Variants in ADCY2 observed in about 807,000 individuals in gnomAD.
The protein encoded by ADCY2 is adenylate cyclase 2, also known as adenylate cyclase type 2.
Under a neutral mutation model 125.2 loss-of-function variants are expected in ADCY2, and 31 were observed. The ratio of observed to expected loss-of-function variants is 0.25; its 90% CI spans 0.19 to 0.33. ADCY2 has a LOEUF of 0.33. ADCY2 is among the 10% of genes least tolerant of loss of function. ADCY2 has a pLI of 1.00. For synonymous variants in ADCY2, 512 were observed against 548.4 expected, an observed-to-expected ratio of 0.93 and a Z score of 0.93; for missense variants, 904 against 1,418.2, an observed-to-expected ratio of 0.64 and a Z score of 5.82.
chr5:7,765,145 C>G (rs372240539), intron 16 of ADCY2, among the ~76,000 whole-genome samples: 4 of 152,262 alleles, frequency 2.6e-5, no homozygotes, highest in East Asian at 3.9e-4. Context: ...TGCAACACTT[C>G]ATTTTACCTA....
intron 6 of ADCY2, among the ~76,000 whole-genome samples, chr5:7,696,916 A>G (rs1189799111): frequency 6.6e-6 from 1 of 152,180 alleles, no homozygotes; most frequent in Non-Finnish European, 1.5e-5. Flanking sequence ...GTGGGTGTTC[A>G]TTTATAAGAA....
At chr5:7,671,881 C>T (rs1315556401) in intron 4 of ADCY2, among the ~76,000 whole-genome samples, 2 of 152,176 alleles carry the variant, frequency 1.3e-5, no homozygotes, top group African/African-American at 2.4e-5. Context: ...AGTCCGGCCC[C>T]TTCATTTTCA....
At chr5:7,507,433 T>C (rs1295281909) in intron 2 of ADCY2, among the ~76,000 whole-genome samples, 1 of 71,340 alleles carries the variant, frequency 1.4e-5, no homozygotes. Flanking sequence ...AGAGCGAGAC[T>C]CCGTCTCAAA....
chr5:7,771,807 A>G (rs1425618007), intron 17 of ADCY2, among the ~76,000 whole-genome samples: 1 of 152,236 alleles, frequency 6.6e-6, no homozygotes, highest in Admixed American at 6.5e-5. Flanking sequence ...TGATGAAATT[A>G]AAATGGAGTA....
At position 7,470,195 on chromosome 5, in the gene ADCY2, C is replaced by T. The variant is rs149084769; in HGVS notation, c.409-50543C>T. 6.5e-3 allele frequency among the ~76,000 whole-genome samples: 984 copies of T among 151,738 alleles called. 13 individuals are homozygous for T. Among genetic ancestry groups the T allele is most frequent in the Non-Finnish European group, 8.0e-3 (539 of 67,674 alleles). Reference sequence around the variant, plus strand: ...CTAGATCTTAGAGAACAATAAATAGCACAACTGCTAGTGGTGTTACTGTGT... The same window carrying T: ...CTAGATCTTAGAGAACAATAAATAGTACAACTGCTAGTGGTGTTACTGTGT... On this transcript the variant is annotated intron_variant, in intron 2 of 24. Coordinates refer to ENST00000338316, the MANE Select transcript of ADCY2 (RefSeq NM_020546.3).
chr5:7,447,598 T>C (rs1022759971), intron 2 of ADCY2, among the ~76,000 whole-genome samples: 1 of 152,204 alleles, frequency 6.6e-6, no homozygotes, highest in African/African-American at 2.4e-5. Context: ...GCAGAAATGT[T>C]CACTCCCACA....
At chr5:7,418,344 C>T (rs1740036970) in intron 2 of ADCY2, among the ~76,000 whole-genome samples, 1 of 152,168 alleles carries the variant, frequency 6.6e-6, no homozygotes. Context: ...GCTCAACCTG[C>T]CGCCTGGGGA....
At chr5:7,671,849 C>T (rs1288109895) in intron 4 of ADCY2, among the ~76,000 whole-genome samples, 1 of 152,038 alleles carries the variant, frequency 6.6e-6, no homozygotes, top group African/African-American at 2.4e-5. Context: ...GCTTCTACAG[C>T]AAGAAAGATA....
chr5:7,544,690 C>T (rs559537056), intron 3 of ADCY2, among the ~76,000 whole-genome samples: 14 of 152,272 alleles, frequency 9.2e-5, no homozygotes, highest in South Asian at 4.1e-4. Flanking sequence ...GGGATTAGAA[C>T]GTGGACATCT....
At chr5:7,801,683 G>A (rs879214693) in intron 20 of ADCY2, 3 of 152,292 alleles carry the variant, frequency 2.0e-5, no homozygotes, top group Admixed American at 2.0e-4. Context: ...AGAATATCAT[G>A]AATAAATATA....
chr5:7,652,118 T>C (rs1450771647), intron 4 of ADCY2, among the ~76,000 whole-genome samples: 2 of 152,134 alleles, frequency 1.3e-5, no homozygotes, highest in Non-Finnish European at 2.9e-5. Flanking sequence ...CTTTTAAAAA[T>C]CACTTTAACC....
chr5:7,803,976 GCTC>G (rs1744679625), intron 21 of ADCY2, among the ~76,000 whole-genome samples: 2 of 144,322 alleles, frequency 1.4e-5, no homozygotes, highest in Admixed American at 7.1e-5. Flanking sequence ...ATATCGTATG[GCTC>G]CTCTTCTGTC....
intron 2 of ADCY2, among the ~76,000 whole-genome samples, chr5:7,476,400 G>A (rs140848396): frequency 3.5e-4 from 53 of 152,274 alleles, no homozygotes; most frequent in South Asian, 1.5e-3. Context: ...GGAAAACAGC[G>A]TCCTGTGAGG....
In ADCY2 at chr5:7,538,368, A is replaced by G. The variant is rs528556918; in HGVS notation, c.570+17469A>G. Among the ~76,000 whole-genome samples, 4 of 152,290 alleles carry G rather than the reference A, an allele frequency of 2.6e-5. No homozygotes were observed. In the East Asian group the frequency reaches 7.7e-4, roughly 29 times the overall value. On this transcript the variant is annotated intron_variant, in intron 3 of 24. Coordinates refer to ENST00000338316, the MANE Select transcript of ADCY2 (RefSeq NM_020546.3). ...TACTTATCGGTAAAAGAGGACCAAT[A>G]ATGGAATACGACTGAGGATTAGGGA...
Position 7,722,006 on chromosome 5 carries a change from G to A in ADCY2, c.1704-2539G>A, listed in dbSNP as rs139363717. ...AGAAGATTCACAGAGGTGATTAAGT[G>A]TGTAGGAAGAATATACACTTCTTAA... On this transcript the variant is annotated intron_variant, in intron 12 of 24. Coordinates refer to ENST00000338316, the MANE Select transcript of ADCY2 (RefSeq NM_020546.3). Among the ~76,000 whole-genome samples, 735 of 152,326 alleles carry A rather than the reference G, an allele frequency of 4.8e-3. 6 individuals carry two copies. Among genetic ancestry groups the A allele is most frequent in the African/African-American group, 0.017 (706 of 41,572 alleles).
intron 3 of ADCY2, among the ~76,000 whole-genome samples, chr5:7,559,383 T>C (rs976997683): frequency 6.6e-6 from 1 of 152,314 alleles, no homozygotes; most frequent in African/African-American, 2.4e-5. Context: ...CTTGTAGAGA[T>C]CTTTCACCTT....
intron 4 of ADCY2, among the ~76,000 whole-genome samples, chr5:7,688,785 C>T (rs1450857002): frequency 1.3e-5 from 2 of 152,156 alleles, no homozygotes; most frequent in African/African-American, 4.8e-5. Flanking sequence ...AAATGGAATT[C>T]AGTGGAGGCA....
At chr5:7,800,772 A>G (rs1423398994) in intron 20 of ADCY2, 1 of 152,166 alleles carries the variant, frequency 6.6e-6, no homozygotes, top group Non-Finnish European at 1.5e-5. Context: ...TTTAACTCAC[A>G]CAAGATCCTA....
rs141392130 is a variant in ADCY2 at position 7,488,757 on chromosome 5, G to A, written c.409-31981G>A. Among the ~76,000 whole-genome samples the A allele has an allele frequency of 2.4e-3, 358 of 152,278 alleles. 2 individuals carry two copies. The highest frequency in any genetic ancestry group is 0.012 in the Admixed American group (186 of 15,306). On this transcript the variant is annotated intron_variant, in intron 2 of 24. Coordinates refer to ENST00000338316, the MANE Select transcript of ADCY2 (RefSeq NM_020546.3). ...CCTTCCCACGAGGCCAGTGTCCTGA[G>A]CATTCTCGCCCCTAGATCCCTTTGC... is the stretch of plus-strand genomic sequence containing the variant.
Sources: allele counts gnomAD v4.1 joint callset (sites outside exome capture counted in the v4.1 genomes callset), GRCh38; gene constraint gnomAD v4.1.1; transcripts MANE v1.5; gene names NCBI Gene and HGNC (gene_info 2026-07-23, HGNC 2026-07-21).